The following PPP2R5E variants were observed in gnomAD, a reference collection of about 807,000 sequenced individuals.
PPP2R5E encodes serine/threonine-protein phosphatase 2A 56 kDa regulatory subunit epsilon isoform.
In PPP2R5E, 4 loss-of-function variants were observed where a neutral mutation model predicts 65.3. The ratio of observed to expected loss-of-function variants is 0.06; its 90% CI spans 0.03 to 0.14. The LOEUF (loss-of-function observed/expected upper bound fraction) is 0.14, where lower values mean the gene tolerates loss of function less well. Ranked by LOEUF, PPP2R5E falls within the 10% of genes least tolerant of loss-of-function variation. The probability of loss-of-function intolerance (pLI) is 1.00; values close to 1 mark genes in which losing one functional copy is unlikely to be tolerated. For missense variants in PPP2R5E, 274 were observed against 556.1 expected, an observed-to-expected ratio of 0.49 and a Z score of 5.10; for synonymous variants, 183 against 187.4, an observed-to-expected ratio of 0.98 and a Z score of 0.19.
chr14:63,484,382 CACACAA>C (rs1457811501), intron 2 of PPP2R5E, among the ~76,000 whole-genome samples: 1 of 150,486 alleles, frequency 6.6e-6, no homozygotes, highest in African/African-American at 2.4e-5. Context: ...CACACACACA[CACACAA>C]AGAATCGTAT....
chr14:63,445,664 G>A lies in PPP2R5E; in HGVS notation c.354+8025C>T, dbSNP rs147149268. Among the ~76,000 whole-genome samples, 876 of 152,234 alleles carry A rather than the reference G, an allele frequency of 5.8e-3. 6 individuals carry two copies. The highest frequency in any genetic ancestry group is 0.02 in the African/African-American group (851 of 41,528). ...TCAAGACCAGCCTGGCCAACATGGT[G>A]AAACCCCATCTCTACTAAAATACAA... On this transcript the variant is annotated intron_variant, in intron 3 of 13. Transcript: ENST00000337537.
At chr14:63,389,520 G>A in intron 11 of PPP2R5E, 92 bp downstream of exon 11, 1 of 1,364,294 alleles carries the variant, frequency 7.3e-7, no homozygotes, top group Non-Finnish European at 9.8e-7. Flanking sequence ...ATAAACAATA[G>A]GTAGCTAGGG....
At chr14:63,378,047 A>AC (rs2139730850) in intron 13 of PPP2R5E, among the ~76,000 whole-genome samples, 1 of 152,306 alleles carries the variant, frequency 6.6e-6, no homozygotes, top group East Asian at 1.9e-4. Flanking sequence ...CAGATTCTAA[A>AC]CATAATCAAG....
At chr14:63,512,486 G>A (rs539952230) in intron 2 of PPP2R5E, among the ~76,000 whole-genome samples, 1 of 152,208 alleles carries the variant, frequency 6.6e-6, no homozygotes, top group African/African-American at 2.4e-5. Context: ...AATGTTTATA[G>A]ATATCATTTT....
At chr14:63,443,729 C>CA (rs1392481413) in intron 3 of PPP2R5E, among the ~76,000 whole-genome samples, 1 of 152,114 alleles carries the variant, frequency 6.6e-6, no homozygotes, top group Non-Finnish European at 1.5e-5. Flanking sequence ...CCTCAGCTTC[C>CA]ATCCAAAGCC....
chr14:63,504,696 G>A (rs1177040664), intron 2 of PPP2R5E, among the ~76,000 whole-genome samples: 2 of 152,102 alleles, frequency 1.3e-5, no homozygotes, highest in Non-Finnish European at 2.9e-5. Flanking sequence ...TAACTGGGGA[G>A]AGAAAACCTA....
intron 3 of PPP2R5E, among the ~76,000 whole-genome samples, chr14:63,448,270 C>T (rs1375395221): frequency 6.6e-6 from 1 of 152,036 alleles, no homozygotes; most frequent in East Asian, 1.9e-4. Flanking sequence ...GCACTCCAGC[C>T]TGGGCGACAG....
At chr14:63,482,289 G>A (rs10135788) in intron 2 of PPP2R5E, among the ~76,000 whole-genome samples, 3,568 of 152,126 alleles carry the variant, frequency 0.023, 107 homozygotes, top group African/African-American at 0.079. Context: ...GTGAAACCCC[G>A]TCTCTACTAA....
At chr14:63,422,698 G>A (rs1190703474) in intron 3 of PPP2R5E, among the ~76,000 whole-genome samples, 1 of 131,254 alleles carries the variant, frequency 7.6e-6, no homozygotes, top group Non-Finnish European at 1.5e-5. Flanking sequence ...CTGCACTCCA[G>A]CCTGGATGAA....
intron 2 of PPP2R5E, among the ~76,000 whole-genome samples, chr14:63,488,342 C>T (rs1369911578): frequency 1.3e-5 from 2 of 151,996 alleles, no homozygotes; most frequent in African/African-American, 2.4e-5. Context: ...AGACTAGAGG[C>T]GCACACCACC....
chr14:63,537,027 T>A (rs938896965), intron 2 of PPP2R5E, among the ~76,000 whole-genome samples: 1 of 152,166 alleles, frequency 6.6e-6, no homozygotes, highest in Non-Finnish European at 1.5e-5. Flanking sequence ...TTATGTATAT[T>A]TTACCATAAT....
intron 2 of PPP2R5E, among the ~76,000 whole-genome samples, chr14:63,513,460 T>C (rs1892542893): frequency 6.6e-6 from 1 of 152,122 alleles, no homozygotes; most frequent in African/African-American, 2.4e-5. Context: ...TACATAAAAC[T>C]TTGGAAAACC....
At chr14:63,509,952 A>G (rs1253950745) in intron 2 of PPP2R5E, among the ~76,000 whole-genome samples, 1 of 152,212 alleles carries the variant, frequency 6.6e-6, no homozygotes, top group Non-Finnish European at 1.5e-5. Flanking sequence ...CCACTACCTG[A>G]GCATCCATGC....
chr14:63,444,043 C>T (rs1281214671), intron 3 of PPP2R5E, among the ~76,000 whole-genome samples: 10 of 152,146 alleles, frequency 6.6e-5, no homozygotes, highest in Non-Finnish European at 1.2e-4. Flanking sequence ...CAAATCTGAC[C>T]ATGTCACTCC....
chr14:63,477,037 C>G (rs1014489421), intron 2 of PPP2R5E, among the ~76,000 whole-genome samples: 1 of 152,038 alleles, frequency 6.6e-6, no homozygotes, highest in Non-Finnish European at 1.5e-5. Flanking sequence ...ATCTCCACAC[C>G]TCCCATTTAA....
At chr14:63,522,334 T>A (rs919724850) in intron 2 of PPP2R5E, among the ~76,000 whole-genome samples, 12 of 151,608 alleles carry the variant, frequency 7.9e-5, no homozygotes, top group African/African-American at 2.9e-4. Flanking sequence ...CCTCCCAAAG[T>A]GCCGAGATTG....
intron 11 of PPP2R5E, among the ~76,000 whole-genome samples, chr14:63,387,921 C>A (rs889447348): frequency 6.6e-6 from 1 of 152,216 alleles, no homozygotes; most frequent in African/African-American, 2.4e-5. Context: ...AGGCCATCTG[C>A]ATGCCAGAAA....
chr14:63,399,842 G>A (rs1448803508), intron 5 of PPP2R5E, among the ~76,000 whole-genome samples: 1 of 151,986 alleles, frequency 6.6e-6, no homozygotes, highest in African/African-American at 2.4e-5. Flanking sequence ...GACTACCATC[G>A]TCATCAAAAA....
At chr14:63,409,101 C>T (rs117443123) in intron 5 of PPP2R5E, among the ~76,000 whole-genome samples, 1,974 of 152,238 alleles carry the variant, frequency 0.013, 67 homozygotes, top group East Asian at 0.12. Flanking sequence ...GCCGTAGTGG[C>T]GAGTGCCTGT....
Sources: allele counts gnomAD v4.1 joint callset (sites outside exome capture counted in the v4.1 genomes callset), GRCh38; gene constraint gnomAD v4.1.1; transcripts MANE v1.5; gene names NCBI Gene and HGNC (gene_info 2026-07-23, HGNC 2026-07-21).